Variants in SPON1 observed in about 807,000 individuals in gnomAD.
The protein encoded by SPON1 is spondin 1, also known as spondin-1.
In SPON1, 52 loss-of-function variants were observed where a neutral mutation model predicts 111.7. The ratio of observed to expected loss-of-function variants is 0.47; its 90% CI spans 0.37 to 0.59. The LOEUF (loss-of-function observed/expected upper bound fraction) is 0.59. Among genes scored for constraint, SPON1 ranks in the 20% least tolerant of loss-of-function variants. The pLI, the probability that SPON1 is intolerant of heterozygous loss-of-function variation, is 0.00. For synonymous variants in SPON1, 410 were observed against 395.8 expected, an observed-to-expected ratio of 1.04 and a Z score of -0.43; for missense variants, 957 against 1,068.5, an observed-to-expected ratio of 0.90 and a Z score of 1.46.
chr11:14,251,013 C>G (rs1287589960), intron 7 of SPON1, among the ~76,000 whole-genome samples: 1 of 152,172 alleles, frequency 6.6e-6, no homozygotes, highest in East Asian at 1.9e-4. Context: ...GGTCCTCACT[C>G]TATTGGAACC....
In SPON1 at chr11:14,111,045, C is replaced by T. The variant is rs558427508; in HGVS notation, c.677-24375C>T. The stretch of plus-strand genomic sequence containing the variant: ...ATAGATGAACTGGGATTCTGGGGTT[C>T]ACTCCATCTCTTGTAGTAATATCAA... On this transcript the variant is annotated intron_variant, in intron 5 of 15. Coordinates refer to ENST00000576479, the MANE Select transcript of SPON1 (RefSeq NM_006108.4). 3.9e-5 allele frequency among the ~76,000 whole-genome samples: 6 copies of T among 152,292 alleles called. No individual in the cohort carries two copies. The East Asian group carries it at 1.2e-3, about 29-fold the overall frequency.
intron 3 of SPON1, among the ~76,000 whole-genome samples, chr11:14,062,442 C>G (rs1554919965): frequency 6.6e-6 from 1 of 152,196 alleles, no homozygotes; most frequent in Non-Finnish European, 1.5e-5. Flanking sequence ...GATTTACTAC[C>G]TTTTCTACTG....
intron 2 of SPON1, among the ~76,000 whole-genome samples, chr11:14,004,789 C>T (rs145475524): frequency 6.6e-6 from 1 of 151,662 alleles, no homozygotes; most frequent in Non-Finnish European, 1.5e-5. Flanking sequence ...TTTTTCAGTT[C>T]GTAGTTTTCC....
At position 14,041,547 on chromosome 11, in the gene SPON1, T is replaced by G. The variant is rs1554917271; in HGVS notation, c.372T>G (p.Phe124Leu). The G allele has an allele frequency of 1.2e-6, 2 of 1,613,850 alleles. No homozygotes were observed. Among genetic ancestry groups the G allele is most frequent in the Admixed American group, 1.7e-5 (1 of 59,992 alleles). The change falls in exon 3 of 16, where the codon TTT (phenylalanine) becomes TTG (leucine). Residue 124 changes from phenylalanine (F) to leucine (L), a missense_variant. By Grantham distance (22) the Phe-to-Leu change is conservative. Transcript: ENST00000576479. The part of the protein sequence containing the change: ...FQIIDEEETQ[F>L]MSNCPVAVTE... ...TCATAGACGAAGAAGAAACTCAGTTTATGAGCAATTGCCCTGTTGCAGTCA... is the reference window on the plus strand; with the variant it reads ...TCATAGACGAAGAAGAAACTCAGTTGATGAGCAATTGCCCTGTTGCAGTCA...
At chr11:14,122,736 TTTTA>T (rs1400812342) in intron 5 of SPON1, among the ~76,000 whole-genome samples, 3 of 152,186 alleles carry the variant, frequency 2.0e-5, no homozygotes, top group African/African-American at 4.8e-5. Context: ...TTAAAATAGT[TTTTA>T]TTTATCTACC....
At chr11:13,965,070 A>G (rs1417722475) in intron 1 of SPON1, among the ~76,000 whole-genome samples, 3 of 151,926 alleles carry the variant, frequency 2.0e-5, no homozygotes, top group Non-Finnish European at 2.9e-5. Flanking sequence ...GCTAAAAGAG[A>G]TTCCTAATAA....
intron 6 of SPON1, among the ~76,000 whole-genome samples, chr11:14,167,803 C>A (rs1442215059): frequency 6.6e-6 from 1 of 152,088 alleles, no homozygotes; most frequent in African/African-American, 2.4e-5. Context: ...ATGTGTTAAC[C>A]TGTGGAAAAA....
At chr11:14,064,119 T>C (rs1848812717) in intron 3 of SPON1, among the ~76,000 whole-genome samples, 1 of 152,198 alleles carries the variant, frequency 6.6e-6, no homozygotes, top group Non-Finnish European at 1.5e-5. Context: ...CCTGCAATGT[T>C]TCCTGTAGGA....
chr11:13,968,069 C>A (rs1310030955), intron 1 of SPON1, among the ~76,000 whole-genome samples: 3 of 152,186 alleles, frequency 2.0e-5, no homozygotes, highest in African/African-American at 7.2e-5. Context: ...GATACGTTTA[C>A]CACTATGGGC....
At chr11:14,257,594 A>G in intron 10 of SPON1, 122 bp from the exon 11 acceptor site, 1 of 844,872 alleles carries the variant, frequency 1.2e-6, no homozygotes, top group Non-Finnish European at 1.7e-6. Context: ...AGGAGCACCC[A>G]GGCTCACTGA....
rs1554927948 is a variant in SPON1 at position 14,135,379 on chromosome 11, C to T, written c.677-41C>T. On this transcript the variant is annotated intron_variant, in intron 5 of 15. Coordinates refer to ENST00000576479, the MANE Select transcript of SPON1 (RefSeq NM_006108.4). The surrounding 1 kb of genome is among the most constrained non-coding windows in gnomAD (Gnocchi z 4.4). ...TCATTTAAGGGACTCGTGTTTCAGC[C>T]ACAGCCATGCTGATAACTGCCTCCT... The T allele has an allele frequency of 3.8e-6, 6 of 1,586,458 alleles. No homozygotes were observed. In the Admixed American group the frequency reaches 7.0e-5, roughly 18 times the overall value.
intron 5 of SPON1, among the ~76,000 whole-genome samples, chr11:14,121,685 T>C (rs1261825274): frequency 6.6e-6 from 1 of 152,218 alleles, no homozygotes; most frequent in Non-Finnish European, 1.5e-5. Flanking sequence ...ATTTCCCATT[T>C]CCAGCACTCT....
chr11:14,105,802 C>T (rs1849179919), intron 5 of SPON1, among the ~76,000 whole-genome samples: 1 of 152,142 alleles, frequency 6.6e-6, no homozygotes, highest in Non-Finnish European at 1.5e-5. Flanking sequence ...AGACTTCCTC[C>T]TGGAGGTCCA....
intron 6 of SPON1, among the ~76,000 whole-genome samples, chr11:14,237,109 G>A (rs4757244): frequency 0.31 from 47,871 of 152,052 alleles, 7,624 homozygotes; most frequent in East Asian, 0.47. Flanking sequence ...GATGCTTACA[G>A]CCCCGTTATC....
intron 2 of SPON1, among the ~76,000 whole-genome samples, chr11:14,001,825 G>A (rs549331953): frequency 2.0e-5 from 3 of 152,108 alleles, no homozygotes; most frequent in African/African-American, 4.8e-5. Context: ...ACGTATAATG[G>A]GAATATCAGA....
At chr11:14,256,827 CA>C in intron 10 of SPON1, 135 bp downstream of exon 10, 1 of 693,114 alleles carries the variant, frequency 1.4e-6, no homozygotes, top group Non-Finnish European at 2.4e-6. Flanking sequence ...GATTTCTCCT[CA>C]AGAAATAATC....
chr11:14,005,727 T>TATGA (rs1554913026), intron 2 of SPON1, among the ~76,000 whole-genome samples: 2 of 151,584 alleles, frequency 1.3e-5, no homozygotes, highest in East Asian at 3.9e-4. Context: ...AGTTGCTAAG[T>TATGA]ATTATTATAA....
chr11:14,104,386 T>A (rs2133845199), intron 5 of SPON1, among the ~76,000 whole-genome samples: 2 of 152,212 alleles, frequency 1.3e-5, no homozygotes, highest in Middle Eastern at 6.8e-3. Flanking sequence ...ATTAATTTGT[T>A]TGGTTTGGGT....
chr11:14,133,854 G>C (rs1847557601), intron 5 of SPON1, among the ~76,000 whole-genome samples: 2 of 152,172 alleles, frequency 1.3e-5, no homozygotes, highest in African/African-American at 4.8e-5. Flanking sequence ...TAATGAACAA[G>C]CAATTGGGCA....
Sources: gnomAD v4.1 joint callset for allele counts (sites outside exome capture counted in the v4.1 genomes callset) on GRCh38, gnomAD v4.1.1 for gene constraint, Gnocchi (gnomAD v3.1) non-coding constraint, MANE v1.5 for transcripts, NCBI Gene and HGNC (gene_info 2026-07-23, HGNC 2026-07-21) for gene names.